The following NOXRED1 variants were observed in gnomAD, a reference collection of about 807,000 sequenced individuals.
NOXRED1 encodes NADP dependent oxidoreductase domain containing 1, also known as NADP-dependent oxidoreductase domain-containing protein 1.
In NOXRED1, 20 loss-of-function variants were observed where a neutral mutation model predicts 30.4. The observed-to-expected ratio is 0.66, with a 90% CI of 0.46 to 0.96. NOXRED1 has a LOEUF of 0.96. Ranked by LOEUF, NOXRED1 falls within the 40% of genes least tolerant of loss-of-function variation. NOXRED1 has a pLI of 0.00. For synonymous variants in NOXRED1, 155 were observed against 168.0 expected (o/e 0.92, Z 0.60); for missense variants, 374 against 428.0 (o/e 0.87, Z 1.11).
intron 1 of NOXRED1, among the ~76,000 whole-genome samples, chr14:77,420,370 T>C (rs2139703449): frequency 6.8e-6 from 1 of 147,616 alleles, no homozygotes; most frequent in South Asian, 2.2e-4. Context: ...TTTCATCAGT[T>C]TTTTTTTGTT....
intron 5 of NOXRED1, among the ~76,000 whole-genome samples, chr14:77,400,501 A>G (rs1277550878): frequency 6.6e-6 from 1 of 152,234 alleles, no homozygotes; most frequent in Non-Finnish European, 1.5e-5. Flanking sequence ...TTAGGAATAC[A>G]GGAGACATCA....
intron 2 of NOXRED1, among the ~76,000 whole-genome samples, chr14:77,408,244 T>C (rs1196852353): frequency 6.6e-6 from 1 of 152,144 alleles, no homozygotes; most frequent in Non-Finnish European, 1.5e-5. Context: ...GGTCTTGCTT[T>C]GTCACCTGTG....
intron 1 of NOXRED1, among the ~76,000 whole-genome samples, chr14:77,415,379 G>A (rs1460577306): frequency 1.3e-5 from 2 of 152,096 alleles, no homozygotes; most frequent in South Asian, 4.1e-4. Context: ...AGACCAGCCT[G>A]GCCAACATGG....
At chr14:77,405,215 C>T (rs1167185975) in intron 5 of NOXRED1, among the ~76,000 whole-genome samples, 1 of 152,026 alleles carries the variant, frequency 6.6e-6, no homozygotes, top group African/African-American at 2.4e-5. Flanking sequence ...GCCAACATGG[C>T]GAAACCCTGT....
At chr14:77,417,951 C>T (rs1437340491) in intron 1 of NOXRED1, among the ~76,000 whole-genome samples, 3 of 150,536 alleles carry the variant, frequency 2.0e-5, no homozygotes, top group African/African-American at 4.9e-5. Flanking sequence ...TTGTAGTTAC[C>T]GTAGGAAATT....
intron 3 of NOXRED1, 83 bp from the exon 4 acceptor site, chr14:77,406,958 C>A: frequency 8.3e-7 from 1 of 1,200,704 alleles, no homozygotes; most frequent in Non-Finnish European, 1.2e-6. Context: ...CATCCAACCC[C>A]ATCAACAGAC....
chr14:77,407,758 T>C, intron 2 of NOXRED1, 113 bp from the exon 3 acceptor site: 1 of 710,854 alleles, frequency 1.4e-6, no homozygotes, highest in Non-Finnish European at 2.4e-6. Context: ...ACCCATCTTA[T>C]TGCTCCATAA....
chr14:77,419,060 C>T (rs1431171740), intron 1 of NOXRED1, among the ~76,000 whole-genome samples: 4 of 145,078 alleles, frequency 2.8e-5, no homozygotes, highest in African/African-American at 1.0e-4. Flanking sequence ...CTGGGAAGCT[C>T]TTTCTTTCTC....
chr14:77,400,372 T>C (rs2139666405), intron 5 of NOXRED1, among the ~76,000 whole-genome samples: 1 of 152,346 alleles, frequency 6.6e-6, no homozygotes, highest in African/African-American at 2.4e-5. Flanking sequence ...GAGACAAGCA[T>C]CAGTCAATTT....
intron 5 of NOXRED1, among the ~76,000 whole-genome samples, chr14:77,403,572 C>T (rs982152859): frequency 6.6e-6 from 1 of 152,048 alleles, no homozygotes; most frequent in Non-Finnish European, 1.5e-5. Context: ...GGGAAGATCA[C>T]GTGAGCCCAG....
In NOXRED1 at chr14:77,405,937, T is replaced by C. The variant is rs779010896; in HGVS notation, c.881A>G (p.Tyr294Cys). ...CCTTTCCTGAGACAAATTCTTGCCA[T>C]AGGCTTTGCTGACAAAATCTGTTAA... ...LQLTDFVSKA[Y>C]GKNLSQERPF... Residue 294 changes from tyrosine (Y) to cysteine (C), a missense_variant, in exon 5 of 6, where the codon TAT (tyrosine) becomes TGT (cysteine). Coordinates refer to ENST00000380835, the MANE Select transcript of NOXRED1 (RefSeq NM_001113475.3). 6 of 1,612,714 alleles carry C rather than the reference T, an allele frequency of 3.7e-6. No homozygotes were observed. Among genetic ancestry groups the C allele is most frequent in the African/African-American group, 1.3e-5 (1 of 75,030 alleles).
chr14:77,398,441 G>C (rs1894241629), intron 5 of NOXRED1, among the ~76,000 whole-genome samples: 1 of 152,118 alleles, frequency 6.6e-6, no homozygotes, highest in Non-Finnish European at 1.5e-5. Flanking sequence ...GAGCCTAACT[G>C]ACCTGGGGGA....
chr14:77,410,140 A>G (rs1011516587), intron 2 of NOXRED1, among the ~76,000 whole-genome samples: 3 of 148,820 alleles, frequency 2.0e-5, no homozygotes, highest in Admixed American at 6.7e-5. Context: ...GGAATATAGG[A>G]AAAAAAAAAT....
At chr14:77,419,446 C>CTTTTTTT (rs35341872) in intron 1 of NOXRED1, among the ~76,000 whole-genome samples, 2 of 91,516 alleles carry the variant, frequency 2.2e-5, no homozygotes, top group African/African-American at 3.7e-5. Context: ...TTTCTTTTTC[C>CTTTTTTT]TTTTTTTTTT....
At chr14:77,396,543 C>T (rs1483708171) in intron 5 of NOXRED1, among the ~76,000 whole-genome samples, 2 of 152,070 alleles carry the variant, frequency 1.3e-5, no homozygotes, top group Non-Finnish European at 2.9e-5. Context: ...GCCACCGCAC[C>T]CAGCCCAAGG....
Position 77,406,223 on chromosome 14 carries a change from C to A in NOXRED1, c.683-88G>T, listed in dbSNP as rs77696016. 6,295 of 857,824 alleles carry A rather than the reference C, an allele frequency of 7.3e-3. 299 individuals carry two copies. In the African/African-American group the frequency reaches 0.094, roughly 13 times the overall value. 53.1% of individuals were successfully genotyped at this position (857,824 alleles called of 1,614,324 possible). A position where few individuals can be genotyped will look rare whatever the true frequency, so the allele number is the denominator to read the frequency against. On this transcript the variant is annotated intron_variant, in intron 4 of 5. Coordinates refer to ENST00000380835, the MANE Select transcript of NOXRED1 (RefSeq NM_001113475.3). ...AGAATAAACCCCTGACAGTGAATAG[C>A]CGCCTTTTTTCCAAGACAGATTGGT...
At chr14:77,415,921 G>A (rs1399563716) in intron 1 of NOXRED1, among the ~76,000 whole-genome samples, 1 of 151,824 alleles carries the variant, frequency 6.6e-6, no homozygotes, top group Non-Finnish European at 1.5e-5. Context: ...CTCCATGTTG[G>A]CCAGGCTGGT....
At position 77,406,865 on chromosome 14, in the gene NOXRED1, G is replaced by C. The variant is rs538185220; in HGVS notation, c.541C>G (p.Leu181Val). 15 of 1,613,714 alleles carry C rather than the reference G, an allele frequency of 9.3e-6. No homozygotes were observed. In the African/African-American group the frequency reaches 1.6e-4, roughly 17 times the overall value. ...CGCAAGATATTGGTGTGGTTCAACA[G>C]TAGTTTCAGCCTGGAAGTAAAGCCA... Reference protein sequence around the residue: ...AAIPLPRLKLLLNHTNILRPQ... With the variant: ...AAIPLPRLKLVLNHTNILRPQ... Residue 181 changes from leucine (L) to valine (V), a missense_variant, in exon 4 of 6, where the codon CTG (leucine) becomes GTG (valine). Physicochemically the swap from Leu to Val is conservative, Grantham distance 32. Coordinates refer to ENST00000380835, the MANE Select transcript of NOXRED1 (RefSeq NM_001113475.3).
intron 5 of NOXRED1, among the ~76,000 whole-genome samples, chr14:77,395,350 C>T (rs1393033518): frequency 6.6e-6 from 1 of 151,976 alleles, no homozygotes; most frequent in African/African-American, 2.4e-5. Flanking sequence ...TTGTGATCTG[C>T]CCGTCTCGGC....
Sources: gnomAD v4.1 joint callset for allele counts (sites outside exome capture counted in the v4.1 genomes callset) on GRCh38, gnomAD v4.1.1 for gene constraint, MANE v1.5 for transcripts, NCBI Gene and HGNC (gene_info 2026-07-23, HGNC 2026-07-21) for gene names.